DNAH5: variants seen among roughly 807,000 people sequenced by gnomAD.
DNAH5 encodes axonemal beta dynein heavy chain 5.
In DNAH5, 372 loss-of-function variants were observed where a neutral mutation model predicts 518.2. The observed-to-expected ratio is 0.72, with a 90% CI of 0.66 to 0.78. The LOEUF (loss-of-function observed/expected upper bound fraction) is 0.78. Ranked by LOEUF, DNAH5 falls within the 30% of genes least tolerant of loss-of-function variation. The pLI is 0.00. For synonymous variants in DNAH5, 2,039 were observed against 2,025.9 expected (o/e 1.01, Z -0.17); for missense variants, 5,523 against 5,687.0 (o/e 0.97, Z 0.93).
intron 46 of DNAH5, 103 bp downstream of exon 46, chr5:13,808,941 C>CA (rs1346438298): frequency 1.4e-6 from 2 of 1,416,640 alleles, no homozygotes; most frequent in Non-Finnish European, 2.0e-6. Flanking sequence ...GCCTGGGCGA[C>CA]AGAGTGAGAC....
chr5:13,986,989 A>G (rs1316977998), intron 1 of DNAH5, among the ~76,000 whole-genome samples: 1 of 152,166 alleles, frequency 6.6e-6, no homozygotes, highest in Non-Finnish European at 1.5e-5. Flanking sequence ...CAGAGGAATT[A>G]ATACAGTTAA....
intron 1 of DNAH5, among the ~76,000 whole-genome samples, chr5:13,935,335 A>G (rs1040013418): frequency 3.3e-5 from 5 of 152,194 alleles, no homozygotes; most frequent in African/African-American, 9.6e-5. Flanking sequence ...GAGGGAAATC[A>G]CTCCCTAAAA....
Position 13,786,173 on chromosome 5 carries a change from C to G in DNAH5, c.8820+6G>C, listed in dbSNP as rs201287534. ...CACAAGGCACTACTCAGAGTGGCTA[C>G]TGTACCTTGACTAAGTGAACCATGG... On this transcript the variant is annotated splice_donor_region_variant and intron_variant, in intron 52 of 78. Transcript: ENST00000265104. The G allele has an allele frequency of 1.2e-6, 2 of 1,612,200 alleles. No homozygotes were observed. The highest frequency in any genetic ancestry group is 2.7e-5 in the African/African-American group (2 of 74,928).
intron 1 of DNAH5, among the ~76,000 whole-genome samples, chr5:13,952,147 T>C (rs1030494343): frequency 9.7e-5 from 11 of 113,462 alleles, no homozygotes; most frequent in Admixed American, 7.3e-4. Flanking sequence ...TAGAGGGATC[T>C]CCCAACTTGG....
At chr5:13,938,170 C>T (rs10052676) in intron 1 of DNAH5, among the ~76,000 whole-genome samples, 58,919 of 150,376 alleles carry the variant, frequency 0.39, 12,469 homozygotes, top group East Asian at 0.7. Flanking sequence ...CAACCATTAA[C>T]CATCAACATC....
At chr5:13,865,165 T>C (rs1769051642) in intron 27 of DNAH5, among the ~76,000 whole-genome samples, 1 of 152,000 alleles carries the variant, frequency 6.6e-6, no homozygotes. Context: ...CAGCTAATTT[T>C]TGTATTTTTA....
At chr5:13,788,634 C>T (rs1580248098) in intron 51 of DNAH5, 82 bp downstream of exon 51, 3 of 1,191,026 alleles carry the variant, frequency 2.5e-6, no homozygotes, top group East Asian at 2.3e-5. Context: ...AACTCAACAT[C>T]CATAAACTGA....
rs202042997 is a variant in DNAH5 at position 13,735,238 on chromosome 5, C to T, written c.11654G>A (p.Arg3885Gln). The change falls in exon 68 of 79, where the codon CGA becomes CAA. Residue 3885 changes from arginine (R) to glutamine (Q), a missense_variant. By Grantham distance (43) the Arg-to-Gln change is conservative. Around this residue, in one of 3 missense-constraint regions of DNAH5, gnomAD observed 5,121 missense variants for 5,223.3 expected, o/e 0.98. Coordinates refer to ENST00000265104, the MANE Select transcript of DNAH5 (RefSeq NM_001369.3). The part of the protein sequence containing the change: ...MTYEVYKYAA[R>Q]GLYEEHKFLF... ...GAATTTGTGCTCCTCGTACAGCCCT[C>T]GGGCAGCATACTTATAAACCTCGTA... The T allele has an allele frequency of 1.6e-5, 26 of 1,613,922 alleles. No individual in the cohort carries two copies. Among genetic ancestry groups the T allele is most frequent in the East Asian group, 6.7e-5 (3 of 44,870 alleles).
At chr5:13,903,733 A>G (rs941871020) in intron 12 of DNAH5, among the ~76,000 whole-genome samples, 3 of 152,106 alleles carry the variant, frequency 2.0e-5, no homozygotes, top group Admixed American at 2.0e-4. Flanking sequence ...GGAAAATAAC[A>G]CCCAAACTAA....
intron 73 of DNAH5, 41 bp from the exon 74 acceptor site, chr5:13,716,731 G>A (rs780838884): frequency 3.0e-5 from 41 of 1,384,608 alleles, no homozygotes; most frequent in South Asian, 3.5e-5. Context: ...ACTGACTACC[G>A]TTGCATTATT....
chr5:13,889,645 C>T (rs1772916492), intron 17 of DNAH5, among the ~76,000 whole-genome samples: 1 of 152,178 alleles, frequency 6.6e-6, no homozygotes. Flanking sequence ...GAATTCTGGT[C>T]CATGCTAAGC....
chr5:13,833,652 C>A (rs9654443), intron 35 of DNAH5, among the ~76,000 whole-genome samples: 62,841 of 151,786 alleles, frequency 0.41, 13,441 homozygotes, highest in East Asian at 0.61. Flanking sequence ...GCTGAGCAGT[C>A]AGCACTCAGG....
At chr5:13,737,714 C>T (rs1042798958) in intron 65 of DNAH5, among the ~76,000 whole-genome samples, 3 of 151,838 alleles carry the variant, frequency 2.0e-5, no homozygotes, top group African/African-American at 7.2e-5. Context: ...CATTTGAAGT[C>T]GAAAGTTCGA....
At position 13,721,189 on chromosome 5, in the gene DNAH5, TA is replaced by T; in HGVS notation, c.12089del (p.Leu4030Ter). ...MGEKYAEGVILDLEKTWEESD... is the reference protein window; with the variant it reads ...MGEKYAEGVIXDLEKTWEESD... ...ATTCCTCCCACGTCTTCTCCAAGTC[TA>T]AAATAACACCTTCGGCATATTTTTC... is the stretch of plus-strand genomic sequence containing the variant. On this transcript the variant is annotated frameshift_variant, in exon 71 of 79. Coordinates refer to ENST00000265104, the MANE Select transcript of DNAH5 (RefSeq NM_001369.3). LOFTEE classifies it high-confidence loss of function. The T allele has an allele frequency of 1.9e-6, 3 of 1,614,164 alleles. No individual in the cohort carries two copies. Among genetic ancestry groups the T allele is most frequent in the Non-Finnish European group, 2.5e-6 (3 of 1,179,996 alleles).
Position 13,840,929 on chromosome 5 carries a change from G to C in DNAH5, c.5686C>G (p.Gln1896Glu), listed in dbSNP as rs991074647. ...YETLITIHVH[Q>E]RDIFDDLCHM... ...ACCAGGTCATCAAAGATATCCCTTTGGTGCACATGAATAGTAATCAGAGTC... is the reference window on the plus strand; with the variant it reads ...ACCAGGTCATCAAAGATATCCCTTTCGTGCACATGAATAGTAATCAGAGTC... Residue 1896 changes from glutamine to glutamate, a missense_variant, in exon 34 of 79, where the codon CAA becomes GAA. This residue lies in a region of DNAH5 where 5,121 missense variants were observed against 5,223.3 expected (regional missense o/e 0.98). Coordinates refer to ENST00000265104, the MANE Select transcript of DNAH5 (RefSeq NM_001369.3). 1 of 1,613,978 alleles carries C rather than the reference G, an allele frequency of 6.2e-7. No individual in the cohort carries two copies.
At chr5:14,010,311 C>G (rs2582690) in intron 1 of DNAH5, among the ~76,000 whole-genome samples, 2 of 151,968 alleles carry the variant, frequency 1.3e-5, no homozygotes, top group African/African-American at 4.8e-5. Flanking sequence ...AAGTTCAACT[C>G]GAACAGACCA....
At position 13,842,475 on chromosome 5, in the gene DNAH5, GAAAGAA is replaced by G. The variant is rs1200880702; in HGVS notation, c.5272-577_5272-572del. Among the ~76,000 whole-genome samples the G allele has an allele frequency of 1.3e-4, 15 of 113,006 alleles. 1 individual carries two copies. Among genetic ancestry groups the G allele is most frequent in the Admixed American group, 9.5e-4 (11 of 11,578 alleles). The allele number at this position is 113,006 out of a possible 152,430, so 74.1% of individuals were successfully genotyped here. On this transcript the variant is annotated intron_variant, in intron 32 of 78. Coordinates refer to ENST00000265104, the MANE Select transcript of DNAH5 (RefSeq NM_001369.3). ...AGAAAGAAAGAAAGAAAGAAAGAAA[GAAAGAA>G]AGAGAAAGAAAAGAAAGAAAGAAAG...
intron 50 of DNAH5, among the ~76,000 whole-genome samples, chr5:13,791,536 A>T (rs1756984044): frequency 1.3e-5 from 2 of 152,216 alleles, no homozygotes; most frequent in Admixed American, 1.3e-4. Context: ...GGAAAAGAAA[A>T]ATCATAGATG....
Position 13,792,278 on chromosome 5 carries a change from A to G in DNAH5, c.8225-61T>C, listed in dbSNP as rs536344273. 2,216 of 1,447,234 alleles carry G rather than the reference A, an allele frequency of 1.5e-3. 8 individuals are homozygous for G. Among genetic ancestry groups the G allele is most frequent in the South Asian group, 8.9e-3 (774 of 87,130 alleles). 89.6% of individuals were successfully genotyped at this position (1,447,234 alleles called of 1,614,324 possible). ...ATTCAAAGAAATTAAATGAAAATGA[A>G]AAGCATTATAGCATAGGGTTTGCAA... On this transcript the variant is annotated intron_variant, in intron 49 of 78. Coordinates refer to ENST00000265104, the MANE Select transcript of DNAH5 (RefSeq NM_001369.3).
Sources: allele counts gnomAD v4.1 joint callset (sites outside exome capture counted in the v4.1 genomes callset), GRCh38; gene constraint gnomAD v4.1.1; regional missense constraint gnomAD v4.1.1; transcripts MANE v1.5; gene names NCBI Gene and HGNC (gene_info 2026-07-23, HGNC 2026-07-21).